Variants in CEP192 observed in about 807,000 individuals in gnomAD.
The protein encoded by CEP192 is centrosomal protein of 192 kDa.
In CEP192, 151 loss-of-function variants were observed where a neutral mutation model predicts 271.8. That is an observed-to-expected ratio of 0.56 (90% CI 0.49 to 0.64). The LOEUF is 0.64. CEP192 is among the 30% of genes least tolerant of loss of function. The pLI, the probability that CEP192 is intolerant of heterozygous loss-of-function variation, is 0.00. For synonymous variants in CEP192, 995 were observed against 1,076.5 expected (o/e 0.92, Z 1.48); for missense variants, 2,910 against 3,020.5 (o/e 0.96, Z 0.86).
intron 30 of CEP192, among the ~76,000 whole-genome samples, chr18:13,082,228 G>A (rs1259934856): frequency 1.3e-5 from 2 of 152,054 alleles, no homozygotes; most frequent in Admixed American, 6.6e-5. Context: ...AATTATTATT[G>A]TCTGGGAGTC....
chr18:13,004,225 G>C (rs2033838687), intron 3 of CEP192, among the ~76,000 whole-genome samples: 1 of 152,130 alleles, frequency 6.6e-6, no homozygotes. Flanking sequence ...AGCTTGTGGA[G>C]TTTTGCTGTG....
rs887900150 is a variant in CEP192, at chr18:13,029,961, G to A, written c.1349G>A (p.Arg450Gln). The change falls in exon 10 of 45, where the codon CGA (arginine) becomes CAA (glutamine). Residue 450 changes from arginine to glutamine, a missense_variant. By Grantham distance (43) the Arg-to-Gln change is conservative (BLOSUM62 1). Transcript: ENST00000506447. ...ATTTGGTCACCAACTTGTGAAAGGC[G>A]AACATGTGAATGTCACGAGTCCATC... ...DAIWSPTCER[R>Q]TCECHESIEK... 18 of 1,551,254 alleles carry A rather than the reference G, an allele frequency of 1.2e-5. No homozygotes were observed. Among genetic ancestry groups the A allele is most frequent in the Admixed American group, 2.0e-5 (1 of 50,978 alleles).
chr18:13,078,550 C>T (rs2038412797), intron 30 of CEP192, among the ~76,000 whole-genome samples: 1 of 152,180 alleles, frequency 6.6e-6, no homozygotes. Context: ...CTCCCACCAA[C>T]AGTGTAAAAG....
At chr18:13,119,344 C>G (rs1442515825) in intron 44 of CEP192, among the ~76,000 whole-genome samples, 1 of 152,158 alleles carries the variant, frequency 6.6e-6, no homozygotes, top group Non-Finnish European at 1.5e-5. Context: ...TATTTTTAAA[C>G]ATGCAGTGGA....
intron 27 of CEP192, 75 bp from the exon 28 acceptor site, chr18:13,070,964 A>G: frequency 8.0e-7 from 1 of 1,250,760 alleles, no homozygotes; most frequent in South Asian, 1.3e-5. Context: ...TCTTTTGGAC[A>G]ATGGAAACAT....
rs139469302 is a variant in CEP192 at position 13,111,283 on chromosome 18, C to T, written c.7048-2303C>T. On this transcript the variant is annotated intron_variant, in intron 40 of 44. Coordinates refer to ENST00000506447, the MANE Select transcript of CEP192 (RefSeq NM_032142.4). The stretch of plus-strand genomic sequence containing the variant: ...GGGACTACAGGTGCCCACCACCACG[C>T]CTGGCTAATTTTTTGTATTTTTAGT... Among the ~76,000 whole-genome samples the T allele has an allele frequency of 5.3e-4, 81 of 152,290 alleles. 1 individual carries two copies. In the East Asian group the frequency reaches 0.015, roughly 28 times the overall value.
At chr18:13,040,496 C>A (rs1019413719) in intron 13 of CEP192, among the ~76,000 whole-genome samples, 1 of 152,082 alleles carries the variant, frequency 6.6e-6, no homozygotes, top group Non-Finnish European at 1.5e-5. Context: ...AAATAAAGTA[C>A]CTTTATATTG....
chr18:13,104,448 CA>C (rs958228244), intron 39 of CEP192, among the ~76,000 whole-genome samples: 1 of 151,996 alleles, frequency 6.6e-6, no homozygotes, highest in African/African-American at 2.4e-5. Context: ...ATAATACTAC[CA>C]AAATGTGTAC....
At chr18:13,064,879 G>A (rs12606033) in intron 21 of CEP192, among the ~76,000 whole-genome samples, 21,908 of 151,970 alleles carry the variant, frequency 0.14, 1,729 homozygotes, top group East Asian at 0.31. Context: ...TAGTATGGAC[G>A]TTTTAACAAT....
In CEP192 at chr18:13,059,317, C is replaced by A; in HGVS notation, c.4488+5C>A. 6.2e-7 allele frequency: 1 copy of A among 1,607,574 alleles called. No individual in the cohort carries two copies. Among genetic ancestry groups the A allele is most frequent in the Non-Finnish European group, 8.5e-7 (1 of 1,174,130 alleles). ...GCCGAGAGTCCTGTTATTGAGGTAC[C>A]TGTTTGAAAATGAATCTTTGTCATA... On this transcript the variant is annotated splice_donor_5th_base_variant and intron_variant, in intron 21 of 44. Transcript: ENST00000506447.
chr18:13,038,237 AT>A (rs1010222270), intron 12 of CEP192, 132 bp from the exon 13 acceptor site: 1,212 of 563,558 alleles, frequency 2.2e-3, no homozygotes, highest in Middle Eastern at 3.4e-3. Flanking sequence ...AGTTTGTCCA[AT>A]TTTTTTTTTG....
chr18:13,097,072 G>T (rs961248925), intron 36 of CEP192, among the ~76,000 whole-genome samples: 10 of 152,210 alleles, frequency 6.6e-5, no homozygotes, highest in Admixed American at 2.6e-4. Context: ...ACTTGACTGA[G>T]ACTTTTAGCT....
intron 21 of CEP192, among the ~76,000 whole-genome samples, chr18:13,066,124 T>G (rs562151): frequency 1.3e-5 from 2 of 152,046 alleles, no homozygotes; most frequent in African/African-American, 4.8e-5. Flanking sequence ...TTCAACTAGA[T>G]AAAGACAGCA....
chr18:13,037,104 G>A lies in CEP192; in HGVS notation c.1535-133G>A. On this transcript the variant is annotated intron_variant, in intron 11 of 44. Transcript: ENST00000506447. Reference sequence around the variant, plus strand: ...TTAAGCATTTAATACAGATGCATGAGTCATGAGTGCAAGCTTTTACATACT... The same window carrying A: ...TTAAGCATTTAATACAGATGCATGAATCATGAGTGCAAGCTTTTACATACT... The A allele has an allele frequency of 5.2e-6, 3 of 575,742 alleles. No homozygotes were observed. The South Asian group carries it at 6.0e-5, about 12-fold the overall frequency. 35.7% of individuals were successfully genotyped at this position (575,742 alleles called of 1,614,324 possible).
rs1471219155 is a variant in CEP192 at position 13,092,376 on chromosome 18, G to C, written c.6104-1G>C. 6 of 1,577,114 alleles carry C rather than the reference G, an allele frequency of 3.8e-6. No homozygotes were observed. The highest frequency in any genetic ancestry group is 1.8e-5 in the Admixed American group (1 of 56,140). On this transcript the variant is annotated splice_acceptor_variant, in intron 33 of 44. Coordinates refer to ENST00000506447, the MANE Select transcript of CEP192 (RefSeq NM_032142.4). LOFTEE classifies it high-confidence loss of function. The stretch of plus-strand genomic sequence containing the variant: ...ATTTCAAACATTATTTTCTATTTCA[G>C]TATATGATCTTCCCCAACGACCTAA...
At chr18:13,107,282 A>G (rs1453354373) in intron 40 of CEP192, among the ~76,000 whole-genome samples, 1 of 152,220 alleles carries the variant, frequency 6.6e-6, no homozygotes, top group Non-Finnish European at 1.5e-5. Context: ...GGAACACTTA[A>G]GGTCAGGAGT....
intron 42 of CEP192, among the ~76,000 whole-genome samples, chr18:13,115,560 AAGG>A (rs552781786): frequency 3.3e-5 from 5 of 152,050 alleles, no homozygotes; most frequent in African/African-American, 1.2e-4. Flanking sequence ...GACTGATAAG[AAGG>A]AGGTGAGGAG....
intron 3 of CEP192, among the ~76,000 whole-genome samples, chr18:13,006,395 T>C (rs985540629): frequency 1.1e-4 from 17 of 152,170 alleles, no homozygotes; most frequent in Admixed American, 1.1e-3. Flanking sequence ...GAAAATACAG[T>C]ATTCATGGAT....
Position 13,069,838 on chromosome 18 carries a change from C to T in CEP192, c.5156C>T (p.Pro1719Leu), listed in dbSNP as rs2037915989. ...EVIVSFTPKD[P>L]EACEERILKI... Reference sequence around the variant, plus strand: ...ATTGTTTCATTTACTCCAAAGGATCCTGAAGCCTGCGAGGAAAGGTAATAT... The same window carrying T: ...ATTGTTTCATTTACTCCAAAGGATCTTGAAGCCTGCGAGGAAAGGTAATAT... Residue 1719 changes from proline (P) to leucine (L), a missense_variant, in exon 27 of 45, where the codon CCT (proline) becomes CTT (leucine). Pro to Leu is a moderately conservative substitution (Grantham distance 98, BLOSUM62 -3). Transcript: ENST00000506447. The T allele has an allele frequency of 6.3e-7, 1 of 1,583,756 alleles. No homozygotes were observed. The highest frequency in any genetic ancestry group is 8.7e-7 in the Non-Finnish European group (1 of 1,152,880).
Sources: gnomAD v4.1 joint callset for allele counts (sites outside exome capture counted in the v4.1 genomes callset) on GRCh38, gnomAD v4.1.1 for gene constraint, MANE v1.5 for transcripts, NCBI Gene and HGNC (gene_info 2026-07-23, HGNC 2026-07-21) for gene names.